The following CELF2 variants were observed in gnomAD, a reference collection of about 807,000 sequenced individuals.
The protein encoded by CELF2 is CUGBP Elav-like family member 2.
Under a neutral mutation model 62.6 loss-of-function variants are expected in CELF2, and 8 were observed. The ratio of observed to expected loss-of-function variants is 0.13; its 90% CI spans 0.07 to 0.23. The LOEUF (loss-of-function observed/expected upper bound fraction) is 0.23. CELF2 is among the 10% of genes least tolerant of loss of function. The probability of loss-of-function intolerance (pLI) is 1.00; values close to 1 mark genes in which losing one functional copy is unlikely to be tolerated. For synonymous variants in CELF2, 258 were observed against 250.0 expected, an observed-to-expected ratio of 1.03 and a Z score of -0.30; for missense variants, 333 against 671.0, an observed-to-expected ratio of 0.50 and a Z score of 5.56.
chr10:10,746,844 C>T, the CELF2 span, among the ~76,000 whole-genome samples: 1 of 152,110 alleles, frequency 6.6e-6, no homozygotes, highest in East Asian at 1.9e-4. Context: ...TTTGTACCAA[C>T]CTAATACCAC....
chr10:10,828,299 G>A (rs564508432), intron 1 of CELF2, among the ~76,000 whole-genome samples: 1 of 152,158 alleles, frequency 6.6e-6, no homozygotes, highest in African/African-American at 2.4e-5. Context: ...ACAAAATGTG[G>A]TATATGCATA....
chr10:10,582,397 C>T, the CELF2 span, among the ~76,000 whole-genome samples: 1 of 152,036 alleles, frequency 6.6e-6, no homozygotes, highest in African/African-American at 2.4e-5. Flanking sequence ...AGGCTAATGC[C>T]TGAGATAGTT....
intron 1 of CELF2, among the ~76,000 whole-genome samples, chr10:10,857,649 G>GTTTATATA (rs1554855649): frequency 0.011 from 1,037 of 94,174 alleles, 8 homozygotes; most frequent in Middle Eastern, 0.021. Flanking sequence ...CATATATATA[G>GTTTATATA]TATATATATA....
rs2096069634 is a variant in CELF2, at chr10:11,333,640, A to ATGTT, written c.*4591_*4594dup. 6.6e-6 allele frequency: 1 copy of ATGTT among 152,478 alleles called. No homozygotes were observed. The highest frequency in any genetic ancestry group is 2.4e-5 in the African/African-American group (1 of 41,418). The allele number at this position is 152,478 out of a possible 1,614,324, so 9.4% of individuals were successfully genotyped here. On this transcript the variant is annotated 3_prime_UTR_variant, in exon 13 of 13. Coordinates refer to ENST00000633077, the MANE Select transcript of CELF2 (RefSeq NM_001326342.2). ...TTGTTTTTTTGTGCTGTGAGAATTG[A>ATGTT]TGTTTGTAGATTAATAATCATTTTG...
chr10:10,703,938 G>T, the CELF2 span, among the ~76,000 whole-genome samples: 6,286 of 152,240 alleles, frequency 0.041, 470 homozygotes, highest in East Asian at 0.39. Flanking sequence ...TGCCTTGAAA[G>T]ATCTGTGATT....
the CELF2 span, among the ~76,000 whole-genome samples, chr10:10,685,364 A>G: frequency 4.2e-3 from 638 of 152,356 alleles, 5 homozygotes; most frequent in African/African-American, 0.015. Context: ...AGAGACATTT[A>G]GCTGCCAAAT....
At chr10:10,525,164 AT>A in the CELF2 span, among the ~76,000 whole-genome samples, 1 of 152,122 alleles carries the variant, frequency 6.6e-6, no homozygotes, top group African/African-American at 2.4e-5. Flanking sequence ...GCTCTTAGCA[AT>A]TTTCAAGTAT....
At chr10:11,114,219 A>G (rs1170669480) in intron 1 of CELF2, among the ~76,000 whole-genome samples, 2 of 152,246 alleles carry the variant, frequency 1.3e-5, no homozygotes, top group African/African-American at 4.8e-5. Context: ...GAACATGCTG[A>G]GAGTAAAAAC....
At chr10:10,812,560 G>T (rs538408326) in intron 1 of CELF2, among the ~76,000 whole-genome samples, 2 of 152,272 alleles carry the variant, frequency 1.3e-5, no homozygotes, top group Non-Finnish European at 2.9e-5. Context: ...TTATTTAGGA[G>T]GATAGGGACT....
chr10:10,480,948 A>T, the CELF2 span, among the ~76,000 whole-genome samples: 6 of 152,188 alleles, frequency 3.9e-5, no homozygotes, highest in Non-Finnish European at 7.4e-5. Context: ...CTGTAATTCC[A>T]GCTACTCGGG....
intron 1 of CELF2, among the ~76,000 whole-genome samples, chr10:11,036,671 T>C (rs1172483136): frequency 6.6e-6 from 1 of 152,224 alleles, no homozygotes; most frequent in Non-Finnish European, 1.5e-5. Context: ...ACCAATCTCC[T>C]ATGGGAAGAT....
chr10:11,190,170 T>C (rs2075968135), intron 2 of CELF2, among the ~76,000 whole-genome samples: 2 of 152,232 alleles, frequency 1.3e-5, no homozygotes, highest in South Asian at 2.1e-4. Context: ...CAACCACTTA[T>C]AAATCCCTTG....
the CELF2 span, among the ~76,000 whole-genome samples, chr10:10,549,979 A>G: frequency 2.6e-5 from 4 of 152,196 alleles, no homozygotes; most frequent in South Asian, 8.3e-4. Flanking sequence ...GAAGAACTTG[A>G]AACACCATAC....
intron 1 of CELF2, among the ~76,000 whole-genome samples, chr10:11,022,411 G>C (rs1370688146): frequency 6.6e-6 from 1 of 152,198 alleles, no homozygotes; most frequent in Non-Finnish European, 1.5e-5. Flanking sequence ...ATGAGATGCA[G>C]TGAGCTGGGG....
At chr10:10,875,699 T>C (rs1214959064) in intron 1 of CELF2, among the ~76,000 whole-genome samples, 1 of 150,162 alleles carries the variant, frequency 6.7e-6, no homozygotes, top group African/African-American at 2.5e-5. Context: ...TAGAAAAGAA[T>C]CTGCATTTTT....
intron 1 of CELF2, among the ~76,000 whole-genome samples, chr10:10,891,863 G>A (rs1054321709): frequency 3.9e-5 from 6 of 152,100 alleles, no homozygotes; most frequent in Non-Finnish European, 8.8e-5. Context: ...TGTTAAATTG[G>A]GCTGTCAATC....
At chr10:11,149,205 G>C (rs1293071529) in intron 1 of CELF2, among the ~76,000 whole-genome samples, 2 of 152,084 alleles carry the variant, frequency 1.3e-5, no homozygotes, top group Non-Finnish European at 2.9e-5. Context: ...TGAGTGGCTG[G>C]GACTACAGGT....
the CELF2 span, among the ~76,000 whole-genome samples, chr10:10,717,152 G>A: frequency 3.3e-5 from 5 of 152,136 alleles, no homozygotes; most frequent in East Asian, 3.9e-4. Context: ...GAAACACAGC[G>A]GGATAAAAAA....
At chr10:10,591,751 C>T in the CELF2 span, among the ~76,000 whole-genome samples, 1 of 152,144 alleles carries the variant, frequency 6.6e-6, no homozygotes, top group Non-Finnish European at 1.5e-5. Flanking sequence ...AGTTCCCAGC[C>T]ACTCAGCGTC....
Sources: allele counts gnomAD v4.1 joint callset (sites outside exome capture counted in the v4.1 genomes callset), GRCh38; gene constraint gnomAD v4.1.1; transcripts MANE v1.5; gene names NCBI Gene and HGNC (gene_info 2026-07-23, HGNC 2026-07-21).